Variants in DAB1 observed in about 807,000 individuals in gnomAD.
DAB1 encodes disabled homolog 1.
DAB1 carries 15 observed loss-of-function variants against 64.6 expected under a neutral mutation model. The observed-to-expected ratio is 0.23, with a 90% CI of 0.16 to 0.36. DAB1 has a LOEUF of 0.36. Ranked by LOEUF, DAB1 falls within the 10% of genes least tolerant of loss-of-function variation. The pLI is 1.00. For synonymous variants in DAB1, 235 were observed against 251.9 expected, an observed-to-expected ratio of 0.93 and a Z score of 0.64; for missense variants, 596 against 706.7, an observed-to-expected ratio of 0.84 and a Z score of 1.78.
intron 7 of DAB1, among the ~76,000 whole-genome samples, chr1:57,457,806 A>T (rs1302032600): frequency 6.6e-6 from 1 of 152,102 alleles, no homozygotes. Context: ...GAGAAAGAAG[A>T]TGGAGGACAG....
chr1:58,061,631 A>T (rs920015785), intron 5 of DAB1, among the ~76,000 whole-genome samples: 2 of 152,202 alleles, frequency 1.3e-5, no homozygotes, highest in Non-Finnish European at 2.9e-5. Context: ...ATAAAGTCAC[A>T]TTCTAAGGCA....
At chr1:58,150,484 G>A (rs1254530180) in intron 5 of DAB1, 1 of 152,002 alleles carries the variant, frequency 6.6e-6, no homozygotes, top group African/African-American at 2.4e-5. Context: ...ATGAAAAAAG[G>A]AGCATAGATA....
At chr1:57,165,361 T>C (rs1165047146) in intron 2 of DAB1, among the ~76,000 whole-genome samples, 3 of 152,192 alleles carry the variant, frequency 2.0e-5, no homozygotes. Flanking sequence ...ATGATCTTAA[T>C]ACTTCTTAAA....
At chr1:58,282,049 A>G (rs1661576800) in intron 4 of DAB1, among the ~76,000 whole-genome samples, 1 of 152,090 alleles carries the variant, frequency 6.6e-6, no homozygotes, top group African/African-American at 2.4e-5. Flanking sequence ...TGCTACAGCT[A>G]TACAGAGACT....
chr1:57,032,657 T>C (rs1425963965), intron 9 of DAB1, among the ~76,000 whole-genome samples: 2 of 152,172 alleles, frequency 1.3e-5, no homozygotes, highest in Admixed American at 1.3e-4. Context: ...TTCCCACCCC[T>C]AAAGATTCAG....
chr1:57,653,714 G>T (rs1367393014), intron 6 of DAB1, among the ~76,000 whole-genome samples: 1 of 152,152 alleles, frequency 6.6e-6, no homozygotes, highest in Admixed American at 6.5e-5. Flanking sequence ...CCCAGCTCAA[G>T]CAACTCTCCT....
intron 1 of DAB1, among the ~76,000 whole-genome samples, chr1:57,306,250 C>A (rs1570231589): frequency 6.6e-6 from 1 of 152,252 alleles, no homozygotes; most frequent in African/African-American, 2.4e-5. Context: ...ACCATACTGC[C>A]TTCATAAATT....
chr1:57,253,098 G>A (rs1174256294), intron 2 of DAB1, among the ~76,000 whole-genome samples: 1 of 152,192 alleles, frequency 6.6e-6, no homozygotes, highest in Non-Finnish European at 1.5e-5. Flanking sequence ...TTGAGGCTGG[G>A]AACAGCTGGG....
intron 4 of DAB1, among the ~76,000 whole-genome samples, chr1:58,338,413 A>T (rs1275224639): frequency 2.0e-5 from 3 of 152,098 alleles, no homozygotes; most frequent in Non-Finnish European, 4.4e-5. Flanking sequence ...GCTAGCCTTC[A>T]TATGGAATTA....
chr1:57,756,064 A>G (rs1323981756), intron 6 of DAB1, among the ~76,000 whole-genome samples: 1 of 152,194 alleles, frequency 6.6e-6, no homozygotes, highest in African/African-American at 2.4e-5. Context: ...GTAAAATGGC[A>G]GTGGGATTTC....
At chr1:57,539,741 A>T (rs189269286) in intron 7 of DAB1, among the ~76,000 whole-genome samples, 33 of 152,366 alleles carry the variant, frequency 2.2e-4, no homozygotes, top group East Asian at 5.8e-4. Context: ...AATGTAATTT[A>T]AAAAGGCCAA....
intron 1 of DAB1, among the ~76,000 whole-genome samples, chr1:57,377,835 G>C (rs1183247796): frequency 1.3e-5 from 2 of 152,130 alleles, no homozygotes; most frequent in Admixed American, 1.3e-4. Flanking sequence ...TAGTAACCCT[G>C]GGGGAGCTGT....
At chr1:56,998,515 A>G (rs1645719630) in intron 14 of DAB1, among the ~76,000 whole-genome samples, 1 of 152,164 alleles carries the variant, frequency 6.6e-6, no homozygotes, top group African/African-American at 2.4e-5. Flanking sequence ...GAGATTACAC[A>G]TATAAAGTAT....
At chr1:58,257,654 T>C (rs1436409458) in intron 4 of DAB1, among the ~76,000 whole-genome samples, 3 of 152,182 alleles carry the variant, frequency 2.0e-5, no homozygotes, top group African/African-American at 2.4e-5. Flanking sequence ...ATTAAACAGA[T>C]TGCTGCACAA....
intron 7 of DAB1, among the ~76,000 whole-genome samples, chr1:57,556,268 A>T (rs1644987127): frequency 6.6e-6 from 1 of 152,006 alleles, no homozygotes; most frequent in Non-Finnish European, 1.5e-5. Flanking sequence ...TCGTATAATG[A>T]CTTATTTTCC....
At chr1:57,830,286 A>G (rs1407656278) in intron 1 of DAB1, among the ~76,000 whole-genome samples, 1 of 152,230 alleles carries the variant, frequency 6.6e-6, no homozygotes, top group African/African-American at 2.4e-5. Flanking sequence ...CTATTTATCA[A>G]TTAACACGTT....
chr1:57,090,839 G>A (rs961322948), intron 4 of DAB1, among the ~76,000 whole-genome samples: 1 of 152,160 alleles, frequency 6.6e-6, no homozygotes, highest in African/African-American at 2.4e-5. Context: ...AGCATGAGGT[G>A]AGTGAGCAGT....
chr1:58,294,054 C>A (rs1378133062), intron 4 of DAB1, among the ~76,000 whole-genome samples: 2 of 152,142 alleles, frequency 1.3e-5, no homozygotes, highest in Non-Finnish European at 2.9e-5. Flanking sequence ...ATTTCTCACT[C>A]ATGGCTGGGT....
At chr1:57,762,369 C>G (rs1402194442) in intron 6 of DAB1, among the ~76,000 whole-genome samples, 1 of 152,036 alleles carries the variant, frequency 6.6e-6, no homozygotes, top group African/African-American at 2.4e-5. Flanking sequence ...CAAAATGGCT[C>G]ATGTCTCATT....
Sources: allele counts gnomAD v4.1 joint callset (sites outside exome capture counted in the v4.1 genomes callset), GRCh38; gene constraint gnomAD v4.1.1; transcripts MANE v1.5; gene names NCBI Gene and HGNC (gene_info 2026-07-23, HGNC 2026-07-21).